EPHA3: variants seen among roughly 807,000 people sequenced by gnomAD.
The protein encoded by EPHA3 is EPH receptor A3.
A neutral mutation model predicts 107.1 loss-of-function variants in EPHA3; 42 were observed. The ratio of observed to expected loss-of-function variants is 0.39; its 90% CI spans 0.31 to 0.51. EPHA3 has a LOEUF of 0.51. EPHA3 is among the 20% of genes least tolerant of loss of function. The probability of loss-of-function intolerance (pLI) is 0.78; values close to 1 mark genes in which losing one functional copy is unlikely to be tolerated. For missense variants in EPHA3, 1,183 were observed against 1,211.2 expected (o/e 0.98, Z 0.35); for synonymous variants, 461 against 424.8 (o/e 1.09, Z -1.05).
chr3:89,200,133 T>C (rs1201257130), intron 2 of EPHA3, among the ~76,000 whole-genome samples: 1 of 152,186 alleles, frequency 6.6e-6, no homozygotes, highest in African/African-American at 2.4e-5. Flanking sequence ...GCATTATCAA[T>C]ATAGAGCCTG....
At chr3:89,288,186 C>T (rs1706134120) in intron 3 of EPHA3, among the ~76,000 whole-genome samples, 1 of 151,894 alleles carries the variant, frequency 6.6e-6, no homozygotes, top group South Asian at 2.1e-4. Context: ...TACCATCATG[C>T]AAAACAATGT....
chr3:89,221,422 A>G (rs770769750), intron 3 of EPHA3, among the ~76,000 whole-genome samples: 7 of 152,158 alleles, frequency 4.6e-5, no homozygotes, highest in Non-Finnish European at 8.8e-5. Flanking sequence ...GTATCTGAAA[A>G]ACATACATAG....
chr3:89,432,776 A>T (rs989310178), intron 13 of EPHA3, among the ~76,000 whole-genome samples: 1 of 152,108 alleles, frequency 6.6e-6, no homozygotes, highest in African/African-American at 2.4e-5. Flanking sequence ...CAAAAATGGG[A>T]TTATACTTTA....
intron 3 of EPHA3, among the ~76,000 whole-genome samples, chr3:89,298,714 C>T (rs997766205): frequency 6.6e-6 from 1 of 151,862 alleles, no homozygotes; most frequent in Non-Finnish European, 1.5e-5. Context: ...GACATAAAAT[C>T]CTATAAAATA....
chr3:89,474,135 A>T (rs1710460553), intron 16 of EPHA3, among the ~76,000 whole-genome samples: 1 of 152,190 alleles, frequency 6.6e-6, no homozygotes, highest in South Asian at 2.1e-4. Context: ...TAATTAATAG[A>T]TATAAGTGCC....
In EPHA3 at chr3:89,140,410, G is replaced by A. The variant is rs1406150877; in HGVS notation, c.153+13137G>A. On this transcript the variant is annotated intron_variant, in intron 2 of 16. Coordinates refer to ENST00000336596, the MANE Select transcript of EPHA3 (RefSeq NM_005233.6). ...GATTTAAAATATCTCTAAATTGTTG[G>A]CTTTATTTTGTGCTTTCTGAACTGC... Among the ~76,000 whole-genome samples, 3 of 151,606 alleles carry A rather than the reference G, an allele frequency of 2.0e-5. No homozygotes were observed. The Admixed American group carries it at 2.0e-4, about 10-fold the overall frequency.
intron 3 of EPHA3, among the ~76,000 whole-genome samples, chr3:89,329,296 C>T (rs1182859533): frequency 1.3e-5 from 2 of 152,046 alleles, no homozygotes; most frequent in Admixed American, 6.6e-5. Flanking sequence ...ACCATCCTCT[C>T]CACACTTCTA....
chr3:89,449,434 A>G, intron 14 of EPHA3, 60 bp downstream of exon 14: 1 of 1,418,580 alleles, frequency 7.0e-7, no homozygotes, highest in South Asian at 1.8e-5. Flanking sequence ...TGTGCAAGGA[A>G]GTGGAACATA....
At chr3:89,393,742 T>C (rs1708790518) in intron 5 of EPHA3, among the ~76,000 whole-genome samples, 1 of 152,002 alleles carries the variant, frequency 6.6e-6, no homozygotes, top group Non-Finnish European at 1.5e-5. Flanking sequence ...GATTGGATAA[T>C]GATTTGATTT....
chr3:89,127,103 T>G (rs1704111761), intron 1 of EPHA3, 106 bp from the exon 2 acceptor site: 2 of 818,046 alleles, frequency 2.4e-6, no homozygotes, highest in South Asian at 3.0e-5. Flanking sequence ...GAAGGAAGAG[T>G]TATGTTTTTT....
intron 5 of EPHA3, among the ~76,000 whole-genome samples, chr3:89,345,503 T>A (rs1707624552): frequency 6.6e-6 from 1 of 151,242 alleles, no homozygotes; most frequent in South Asian, 2.1e-4. Flanking sequence ...CCACGTGCTT[T>A]ATCCGTCCCA....
intron 5 of EPHA3, among the ~76,000 whole-genome samples, chr3:89,383,446 G>T (rs1213452899): frequency 1.3e-5 from 2 of 151,932 alleles, no homozygotes; most frequent in African/African-American, 4.8e-5. Context: ...CTAATTAAAA[G>T]TGACCAAAAC....
intron 15 of EPHA3, among the ~76,000 whole-genome samples, chr3:89,459,863 C>T (rs1157659521): frequency 6.6e-6 from 1 of 151,998 alleles, no homozygotes; most frequent in Non-Finnish European, 1.5e-5. Context: ...ATAGAAAATG[C>T]CACCATGAAA....
At chr3:89,129,062 A>G (rs1026980160) in intron 2 of EPHA3, among the ~76,000 whole-genome samples, 8 of 152,190 alleles carry the variant, frequency 5.3e-5, no homozygotes, top group African/African-American at 1.9e-4. Context: ...ACCCTGCTCC[A>G]GACATTGTGA....
rs562287769 is a variant in EPHA3 at position 89,265,207 on chromosome 3, A to T, written c.814+54687A>T. Reference sequence around the variant, plus strand: ...GACTTATAATTGTAATAAATAAAAAATGCAACAAATCTTCTTTCCAAAGCT... The same window carrying T: ...GACTTATAATTGTAATAAATAAAAATTGCAACAAATCTTCTTTCCAAAGCT... On this transcript the variant is annotated intron_variant, in intron 3 of 16. Coordinates refer to ENST00000336596, the MANE Select transcript of EPHA3 (RefSeq NM_005233.6). Among the ~76,000 whole-genome samples the T allele has an allele frequency of 1.2e-4, 18 of 152,310 alleles. No homozygotes were observed. In the East Asian group the frequency reaches 3.3e-3, roughly 28 times the overall value.
At chr3:89,182,059 T>C (rs1028284199) in intron 2 of EPHA3, among the ~76,000 whole-genome samples, 3 of 151,908 alleles carry the variant, frequency 2.0e-5, no homozygotes, top group Non-Finnish European at 2.9e-5. Flanking sequence ...TCCTCTTATT[T>C]GATGACCATA....
At chr3:89,127,561 G>A (rs970646815) in intron 2 of EPHA3, among the ~76,000 whole-genome samples, 1 of 151,742 alleles carries the variant, frequency 6.6e-6, no homozygotes, top group African/African-American at 2.4e-5. Flanking sequence ...GACTTTTTTT[G>A]ATGTGATCAG....
intron 5 of EPHA3, among the ~76,000 whole-genome samples, chr3:89,384,092 T>C (rs180757545): frequency 5.9e-5 from 9 of 152,254 alleles, no homozygotes; most frequent in African/African-American, 2.2e-4. Flanking sequence ...CTGAGATAAA[T>C]GTGATTTATT....
intron 3 of EPHA3, among the ~76,000 whole-genome samples, chr3:89,241,145 T>C (rs1057348642): frequency 3.3e-5 from 5 of 152,140 alleles, no homozygotes; most frequent in African/African-American, 1.2e-4. Flanking sequence ...ACACCAGTCA[T>C]TGCATAATAA....
Sources: allele counts gnomAD v4.1 joint callset (sites outside exome capture counted in the v4.1 genomes callset), GRCh38; gene constraint gnomAD v4.1.1; transcripts MANE v1.5; gene names NCBI Gene and HGNC (gene_info 2026-07-23, HGNC 2026-07-21).